COX4I2: variants seen among roughly 807,000 people sequenced by gnomAD.
COX4I2 encodes cytochrome c oxidase subunit 4 isoform 2, mitochondrial.
In COX4I2, 15 loss-of-function variants were observed where a neutral mutation model predicts 20.8. That is an observed-to-expected ratio of 0.72 (90% CI 0.48 to 1.11). The LOEUF (loss-of-function observed/expected upper bound fraction) is 1.11, where lower values mean the gene tolerates loss of function less well. Ranked by LOEUF, COX4I2 falls within the 50% of genes most tolerant of loss-of-function variation. The pLI is 0.00. For missense variants in COX4I2, 224 were observed against 223.0 expected, an observed-to-expected ratio of 1.00 and a Z score of -0.03; for synonymous variants, 80 against 78.1, an observed-to-expected ratio of 1.02 and a Z score of -0.13.
intron 3 of COX4I2, among the ~76,000 whole-genome samples, chr20:31,641,666 T>C (rs968582796): frequency 6.6e-6 from 1 of 152,066 alleles, no homozygotes; most frequent in Non-Finnish European, 1.5e-5. Flanking sequence ...GTGGGATGCT[T>C]GGGGAGTTTC....
At chr20:31,644,620 G>A in intron 4 of COX4I2, 148 bp from the exon 5 acceptor site, 1 of 881,240 alleles carries the variant, frequency 1.1e-6, no homozygotes, top group Non-Finnish European at 1.8e-6. Flanking sequence ...ACAGGGTGGA[G>A]TGAGCTCCTC....
intron 3 of COX4I2, among the ~76,000 whole-genome samples, chr20:31,642,218 C>T (rs1405337343): frequency 6.6e-6 from 1 of 152,050 alleles, no homozygotes; most frequent in African/African-American, 2.4e-5. Flanking sequence ...GAGTGCATGG[C>T]CTGTGTCTAT....
At chr20:31,644,666 C>A in intron 4 of COX4I2, 102 bp from the exon 5 acceptor site, 1 of 1,356,022 alleles carries the variant, frequency 7.4e-7, no homozygotes, top group Non-Finnish European at 1.0e-6. Context: ...TATCTTGTAC[C>A]GTCAGCCTTG....
At chr20:31,644,712 C>T in intron 4 of COX4I2, 56 bp from the exon 5 acceptor site, 1 of 1,610,732 alleles carries the variant, frequency 6.2e-7, no homozygotes, top group Non-Finnish European at 8.5e-7. Flanking sequence ...GCTGGAGACC[C>T]TGGCTGGTGT....
chr20:31,639,015 C>G lies in COX4I2; in HGVS notation c.1-3C>G. 2 of 1,609,352 alleles carry G rather than the reference C, an allele frequency of 1.2e-6. No homozygotes were observed. The highest frequency in any genetic ancestry group is 1.7e-6 in the Non-Finnish European group (2 of 1,178,130). On this transcript the variant is annotated splice_region_variant and splice_polypyrimidine_tract_variant and intron_variant, in intron 1 of 4. Coordinates refer to ENST00000376075, the MANE Select transcript of COX4I2 (RefSeq NM_032609.3). ...GAACTCATCTATACCTTCACGCCCC[C>G]AGATGCTCCCCAGAGCTGCCTGGAG...
At chr20:31,643,603 T>C in intron 4 of COX4I2, 68 bp downstream of exon 4, 1 of 1,592,044 alleles carries the variant, frequency 6.3e-7, no homozygotes, top group Non-Finnish European at 8.6e-7. Flanking sequence ...CACCAGACAG[T>C]TTCTTAAAGG....
At chr20:31,643,002 C>G (rs2060476973) in intron 3 of COX4I2, among the ~76,000 whole-genome samples, 1 of 152,172 alleles carries the variant, frequency 6.6e-6, no homozygotes, top group Admixed American at 6.6e-5. Flanking sequence ...TAAATTCTCT[C>G]TCTTTTGCTC....
chr20:31,643,595 CCAGA>C lies in COX4I2; in HGVS notation c.379+64_379+67del, dbSNP rs2060480392. The C allele has an allele frequency of 3.7e-6, 6 of 1,600,806 alleles. No homozygotes were observed. In the South Asian group the frequency reaches 6.6e-5, roughly 18 times the overall value. ...GGCCATGCCCTTGTGGTCACGGCCACCAGACAGTTTCTTAAAGGAACCATGCTGG... is the reference window on the plus strand; with the variant it reads ...GGCCATGCCCTTGTGGTCACGGCCACCAGTTTCTTAAAGGAACCATGCTGG... On this transcript the variant is annotated intron_variant, in intron 4 of 4. Transcript: ENST00000376075.
intron 1 of COX4I2, 43 bp downstream of exon 1, chr20:31,638,005 G>A (rs530063351): frequency 6.6e-6 from 1 of 152,192 alleles, no homozygotes; most frequent in Non-Finnish European, 1.5e-5. Context: ...AGCCCGCGCG[G>A]GTCAGGGGCG....
chr20:31,640,689 G>A (rs1383883500), intron 3 of COX4I2, among the ~76,000 whole-genome samples: 1 of 152,140 alleles, frequency 6.6e-6, no homozygotes, highest in Non-Finnish European at 1.5e-5. Flanking sequence ...GCATCCCTGA[G>A]CTGACCCTTT....
rs146996280 is a variant in COX4I2, at chr20:31,639,958, C to A, written c.108C>A (p.Pro36=). The change falls in exon 3 of 5, where the codon CCC becomes CCA. Residue 36 remains proline, a synonymous_variant. Transcript: ENST00000376075. ...GTTRGGGKMS[P]YTNCYAQRYY... is the part of the protein sequence containing the mutation. ...CCCGTGGTGGGGGGAAGATGTCCCC[C>A]TACACCAACTGCTATGCCCAGCGCT... The A allele has an allele frequency of 2.5e-6, 4 of 1,614,092 alleles. No individual in the cohort carries two copies. Among genetic ancestry groups the A allele is most frequent in the Non-Finnish European group, 3.4e-6 (4 of 1,180,010 alleles).
intron 1 of COX4I2, 129 bp from the exon 2 acceptor site, chr20:31,638,889 T>C (rs1433398018): frequency 1.0e-6 from 1 of 984,812 alleles, no homozygotes; most frequent in Non-Finnish European, 1.6e-6. Flanking sequence ...GGCATGAGGG[T>C]GACCTTGAAA....
At chr20:31,641,363 G>GAA (rs570887265) in intron 3 of COX4I2, among the ~76,000 whole-genome samples, 7 of 96,532 alleles carry the variant, frequency 7.3e-5, no homozygotes, top group Non-Finnish European at 8.9e-5. Flanking sequence ...GACCCTGTCT[G>GAA]AAAAAAAAAA....
Position 31,639,072 on chromosome 20 carries a change from C to T in COX4I2, c.55C>T (p.Arg19Ter), listed in dbSNP as rs367829221. 1.6e-5 allele frequency: 26 copies of T among 1,612,336 alleles called. No individual in the cohort carries two copies. The highest frequency in any genetic ancestry group is 8.0e-5 in the African/African-American group (6 of 75,018). Residue 19 changes from arginine to a stop codon, truncating the protein, a stop_gained, in exon 2 of 5, where the codon CGA (arginine) becomes TGA (stop). Transcript: ENST00000376075. LOFTEE classifies it high-confidence loss of function. ...GCTGAGGAAAGGTGGAGGTGGAAGACGAGGGATGCACAGCTCAGAAGGCAC... is the reference window on the plus strand; with the variant it reads ...GCTGAGGAAAGGTGGAGGTGGAAGATGAGGGATGCACAGCTCAGAAGGCAC... ...LVLRKGGGGR[R>*]GMHSSEGTTR...
intron 3 of COX4I2, among the ~76,000 whole-genome samples, chr20:31,640,591 C>T (rs1319876444): frequency 6.6e-6 from 1 of 151,958 alleles, no homozygotes; most frequent in Non-Finnish European, 1.5e-5. Context: ...GGAGATGGGA[C>T]AGAGAGAGGC....
intron 4 of COX4I2, 105 bp downstream of exon 4, chr20:31,643,640 C>T: frequency 1.5e-6 from 2 of 1,359,758 alleles, no homozygotes; most frequent in Non-Finnish European, 1.0e-6. Flanking sequence ...ATCTGAAGAG[C>T]TGAAAATTTC....
chr20:31,644,353 G>A (rs1454012893), intron 4 of COX4I2, among the ~76,000 whole-genome samples: 1 of 152,194 alleles, frequency 6.6e-6, no homozygotes, highest in Non-Finnish European at 1.5e-5. Context: ...TGACAGGTAA[G>A]GAAACTGAGG....
chr20:31,642,998 C>A (rs560433589), intron 3 of COX4I2, among the ~76,000 whole-genome samples: 123 of 152,090 alleles, frequency 8.1e-4, no homozygotes, highest in African/African-American at 2.8e-3. Flanking sequence ...TTGCTAAATT[C>A]TCTCTCTTTT....
chr20:31,643,589 C>T (rs1206864660), intron 4 of COX4I2, 54 bp downstream of exon 4: 5 of 1,605,532 alleles, frequency 3.1e-6, no homozygotes, highest in Non-Finnish European at 4.3e-6. Context: ...CTTGTGGTCA[C>T]GGCCACCAGA....
Sources: gnomAD v4.1 joint callset for allele counts (sites outside exome capture counted in the v4.1 genomes callset) on GRCh38, gnomAD v4.1.1 for gene constraint, MANE v1.5 for transcripts, NCBI Gene and HGNC (gene_info 2026-07-23, HGNC 2026-07-21) for gene names.